RHEX: variants seen among roughly 807,000 people sequenced by gnomAD.
RHEX encodes regulator of hemoglobinization and erythroid cell expansion.
Under a neutral mutation model 20.1 loss-of-function variants are expected in RHEX, and 18 were observed. The ratio of observed to expected loss-of-function variants is 0.90; its 90% CI spans 0.62 to 1.33. The LOEUF (loss-of-function observed/expected upper bound fraction) is 1.33. Among genes scored for constraint, RHEX ranks in the 40% most tolerant of loss-of-function variants. RHEX has a pLI of 0.00. For missense variants in RHEX, 192 were observed against 214.3 expected (o/e 0.90, Z 0.65); for synonymous variants, 87 against 77.1 (o/e 1.13, Z -0.67).
chr1:206,055,949 A>G, intron 1 of RHEX, among the ~76,000 whole-genome samples: 1 of 152,396 alleles, frequency 6.6e-6, no homozygotes, highest in Middle Eastern at 3.4e-3. Flanking sequence ...GAAGCAGATA[A>G]GCTAACTCTT....
Position 206,101,623 on chromosome 1 carries a change from C to A in RHEX, c.319-129C>A, listed in dbSNP as rs956092124. ...TGCCCTGGACTGCTCCCAGACACAGCTATTTGGACCCAGATCTTCCCCACC... is the reference window on the plus strand; with the variant it reads ...TGCCCTGGACTGCTCCCAGACACAGATATTTGGACCCAGATCTTCCCCACC... On this transcript the variant is annotated intron_variant, in intron 5 of 5. Transcript: ENST00000331555. The A allele has an allele frequency of 1.6e-5, 11 of 697,062 alleles. No homozygotes were observed. In the East Asian group the frequency reaches 3.0e-4, roughly 19 times the overall value. The allele number at this position is 697,062 out of a possible 1,614,324, so 43.2% of individuals were successfully genotyped here.
intron 1 of RHEX, among the ~76,000 whole-genome samples, chr1:206,065,662 G>A (rs1553284107): frequency 6.6e-6 from 1 of 152,202 alleles, no homozygotes; most frequent in African/African-American, 2.4e-5. Context: ...TGAGAGGATA[G>A]GGACAGGAAA....
chr1:206,093,127 T>A (rs1571871304), intron 1 of RHEX, among the ~76,000 whole-genome samples: 1 of 152,202 alleles, frequency 6.6e-6, no homozygotes. Context: ...TTCTTTTTGT[T>A]CTCTTTCCAT....
At chr1:206,094,464 TA>T (rs1663027478) in intron 1 of RHEX, among the ~76,000 whole-genome samples, 1 of 152,244 alleles carries the variant, frequency 6.6e-6, no homozygotes, top group South Asian at 2.1e-4. Context: ...TAATACCTAA[TA>T]ATTACTGAGT....
At chr1:206,081,224 C>A (rs768675403) in intron 1 of RHEX, among the ~76,000 whole-genome samples, 18 of 152,186 alleles carry the variant, frequency 1.2e-4, no homozygotes, top group Non-Finnish European at 2.1e-4. Context: ...TGTAACACAG[C>A]ACCTTAATTC....
intron 3 of RHEX, 154 bp downstream of exon 3, chr1:206,098,335 C>A (rs1663121184): frequency 1.6e-6 from 1 of 617,492 alleles, no homozygotes. Flanking sequence ...TCCCCCTCCC[C>A]CCAATAACTG....
At chr1:206,074,958 G>C (rs998164469) in intron 1 of RHEX, among the ~76,000 whole-genome samples, 1 of 152,224 alleles carries the variant, frequency 6.6e-6, no homozygotes, top group African/African-American at 2.4e-5. Flanking sequence ...ACGTGTTAAT[G>C]GCCCATTCCC....
At chr1:206,069,372 G>C (rs1031448142) in intron 1 of RHEX, among the ~76,000 whole-genome samples, 24 of 152,284 alleles carry the variant, frequency 1.6e-4, no homozygotes, top group African/African-American at 5.5e-4. Context: ...GGCTTCATAG[G>C]TAAGCTTGCC....
chr1:206,081,793 T>C (rs138091076), intron 1 of RHEX, among the ~76,000 whole-genome samples: 74 of 152,296 alleles, frequency 4.9e-4, no homozygotes, highest in African/African-American at 1.5e-3. Flanking sequence ...ACACAGAGGC[T>C]AGAGCTGTAT....
chr1:206,087,482 C>T (rs146808779), intron 1 of RHEX, among the ~76,000 whole-genome samples: 106 of 151,698 alleles, frequency 7.0e-4, no homozygotes, highest in African/African-American at 2.4e-3. Flanking sequence ...TCTTCACCTG[C>T]GGCATCTCTT....
intron 3 of RHEX, 157 bp downstream of exon 3, chr1:206,098,338 A>C (rs1478772608): frequency 1.6e-6 from 1 of 610,912 alleles, no homozygotes; most frequent in Non-Finnish European, 3.0e-6. Flanking sequence ...CCCTCCCCCC[A>C]ATAACTGTAT....
chr1:206,065,162 C>A (rs1413629830), intron 1 of RHEX, among the ~76,000 whole-genome samples: 2 of 152,092 alleles, frequency 1.3e-5, no homozygotes, highest in Admixed American at 6.5e-5. Flanking sequence ...GGTCTTCTGC[C>A]TAGGAAAACC....
chr1:206,071,827 T>TAACA (rs1346274534), intron 1 of RHEX, among the ~76,000 whole-genome samples: 3 of 124,338 alleles, frequency 2.4e-5, no homozygotes, highest in Non-Finnish European at 3.3e-5. Flanking sequence ...CTAGCCTCGG[T>TAACA]AACAAAGTGA....
chr1:206,097,213 G>C (rs994616993), intron 1 of RHEX, among the ~76,000 whole-genome samples: 37 of 152,288 alleles, frequency 2.4e-4, no homozygotes, highest in African/African-American at 8.7e-4. Flanking sequence ...CTCGCTGTCT[G>C]GGTCAGTCCC....
chr1:206,057,295 T>C (rs1662212443), intron 1 of RHEX, among the ~76,000 whole-genome samples: 1 of 152,256 alleles, frequency 6.6e-6, no homozygotes, highest in Non-Finnish European at 1.5e-5. Flanking sequence ...AATTGGTTCC[T>C]ATAGACCCGG....
At chr1:206,086,302 C>T (rs995261557) in intron 1 of RHEX, among the ~76,000 whole-genome samples, 10 of 152,152 alleles carry the variant, frequency 6.6e-5, no homozygotes, top group Non-Finnish European at 1.3e-4. Context: ...CAAGGATCAT[C>T]CTCTGGTACC....
chr1:206,083,389 C>A, intron 1 of RHEX: 1 of 402,892 alleles, frequency 2.5e-6, no homozygotes, highest in Non-Finnish European at 3.4e-6. Context: ...CACAAACTGT[C>A]TGTACCAGGG....
intron 1 of RHEX, among the ~76,000 whole-genome samples, chr1:206,071,549 A>C (rs1308732157): frequency 9.3e-6 from 1 of 106,984 alleles, no homozygotes; most frequent in Admixed American, 9.9e-5. Context: ...GAAAATGCAA[A>C]AAAAAAAAAA....
chr1:206,055,810 G>T (rs1662182300), intron 1 of RHEX, among the ~76,000 whole-genome samples: 2 of 152,276 alleles, frequency 1.3e-5, no homozygotes, highest in South Asian at 4.1e-4. Flanking sequence ...AGTGGCAGTT[G>T]GAGTTTTAAC....
Sources: gnomAD v4.1 joint callset for allele counts (sites outside exome capture counted in the v4.1 genomes callset) on GRCh38, gnomAD v4.1.1 for gene constraint, MANE v1.5 for transcripts, NCBI Gene and HGNC (gene_info 2026-07-23, HGNC 2026-07-21) for gene names.